Variants in RBFOX1 observed in about 807,000 individuals in gnomAD.
The protein encoded by RBFOX1 is RNA binding protein fox-1 homolog 1.
A neutral mutation model predicts 57.7 loss-of-function variants in RBFOX1; 8 were observed. The observed-to-expected ratio is 0.14, with a 90% CI of 0.08 to 0.25. RBFOX1 has a LOEUF of 0.25. Among genes scored for constraint, RBFOX1 ranks in the 10% least tolerant of loss-of-function variants. The pLI is 1.00. For synonymous variants in RBFOX1, 326 were observed against 222.4 expected (o/e 1.47, Z -4.15); for missense variants, 611 against 548.5 (o/e 1.11, Z -1.14).
At chr16:6,484,273 C>G (rs548542163) in intron 2 of RBFOX1, among the ~76,000 whole-genome samples, 2 of 152,178 alleles carry the variant, frequency 1.3e-5, no homozygotes, top group African/African-American at 2.4e-5. Flanking sequence ...AGTTGGCATG[C>G]TCACGTTGCA....
At chr16:6,616,763 C>T (rs149744207) in intron 2 of RBFOX1, among the ~76,000 whole-genome samples, 292 of 152,294 alleles carry the variant, frequency 1.9e-3, no homozygotes, top group Non-Finnish European at 2.8e-3. Flanking sequence ...TTGCAAAAGG[C>T]AGGGCTTTTC....
chr16:6,192,492 A>G (rs2097148297), intron 1 of RBFOX1, among the ~76,000 whole-genome samples: 1 of 150,974 alleles, frequency 6.6e-6, no homozygotes, highest in Non-Finnish European at 1.5e-5. Flanking sequence ...TCCTCCCAAC[A>G]CCCCCATACA....
At chr16:7,374,289 G>C (rs975247438) in intron 4 of RBFOX1, among the ~76,000 whole-genome samples, 2 of 152,146 alleles carry the variant, frequency 1.3e-5, no homozygotes, top group East Asian at 3.9e-4. Flanking sequence ...GCTGTGTAAG[G>C]GGAATAGCGG....
At chr16:7,057,316 C>G (rs990732645) in intron 4 of RBFOX1, among the ~76,000 whole-genome samples, 1 of 152,192 alleles carries the variant, frequency 6.6e-6, no homozygotes, top group Non-Finnish European at 1.5e-5. Context: ...GCAGAAAAGG[C>G]ATGCAACCAG....
At chr16:7,525,723 G>C (rs1347837819) in intron 5 of RBFOX1, among the ~76,000 whole-genome samples, 1 of 152,182 alleles carries the variant, frequency 6.6e-6, no homozygotes, top group Non-Finnish European at 1.5e-5. Context: ...CATTGCTTGA[G>C]GCCTCCTGTG....
intron 3 of RBFOX1, among the ~76,000 whole-genome samples, chr16:6,764,815 T>C (rs2077100752): frequency 6.6e-6 from 1 of 152,032 alleles, no homozygotes; most frequent in South Asian, 2.1e-4. Flanking sequence ...CGGGTGCCTG[T>C]AATCCTAGCT....
At chr16:6,255,010 T>C (rs966561465) in intron 1 of RBFOX1, among the ~76,000 whole-genome samples, 1 of 152,116 alleles carries the variant, frequency 6.6e-6, no homozygotes, top group East Asian at 1.9e-4. Context: ...TTATTCCTTC[T>C]CTTCTTCCTT....
intron 2 of RBFOX1, among the ~76,000 whole-genome samples, chr16:6,645,642 C>T (rs1250453500): frequency 3.3e-5 from 5 of 152,024 alleles, no homozygotes; most frequent in Admixed American, 3.3e-4. Context: ...CTCAAAGAAC[C>T]TAGAGGCCTT....
chr16:7,210,214 C>A (rs1178221512), intron 4 of RBFOX1, among the ~76,000 whole-genome samples: 1 of 152,156 alleles, frequency 6.6e-6, no homozygotes, highest in Non-Finnish European at 1.5e-5. Context: ...TAGGATACTT[C>A]TATAGGTTAA....
chr16:6,698,913 G>A (rs2061436045), intron 3 of RBFOX1, among the ~76,000 whole-genome samples: 1 of 152,148 alleles, frequency 6.6e-6, no homozygotes, highest in Non-Finnish European at 1.5e-5. Context: ...ATTCATAAAA[G>A]AGGCATATTG....
chr16:6,033,751 C>T (rs186828100), intron 1 of RBFOX1, among the ~76,000 whole-genome samples: 9 of 151,970 alleles, frequency 5.9e-5, no homozygotes, highest in East Asian at 3.9e-4. Flanking sequence ...TATCTTCAAC[C>T]GCCACCACTT....
chr16:5,665,418 C>T (rs1470299726), intron 3 of RBFOX1, among the ~76,000 whole-genome samples: 2 of 119,624 alleles, frequency 1.7e-5, no homozygotes, highest in South Asian at 6.9e-4. Flanking sequence ...GTAGTTCTCC[C>T]TTATACCCCT....
At chr16:7,216,007 G>A (rs1398819330) in intron 4 of RBFOX1, among the ~76,000 whole-genome samples, 2 of 152,144 alleles carry the variant, frequency 1.3e-5, no homozygotes, top group African/African-American at 4.8e-5. Flanking sequence ...ACAGGCGTGA[G>A]CCACCGCGCC....
intron 4 of RBFOX1, among the ~76,000 whole-genome samples, chr16:5,993,850 G>C (rs1567232044): frequency 6.6e-6 from 1 of 152,144 alleles, no homozygotes; most frequent in Admixed American, 6.5e-5. Flanking sequence ...ATTAATATAG[G>C]ATAGGTAAGT....
chr16:5,245,226 C>T (rs1218786182), intron 1 of RBFOX1, among the ~76,000 whole-genome samples: 1 of 152,048 alleles, frequency 6.6e-6, no homozygotes, highest in Non-Finnish European at 1.5e-5. Flanking sequence ...GGGATATGTT[C>T]CAAAGGACTT....
intron 2 of RBFOX1, among the ~76,000 whole-genome samples, chr16:5,578,825 C>CCACACA (rs139917677): frequency 6.2e-5 from 8 of 129,062 alleles, no homozygotes; most frequent in East Asian, 2.4e-4. Context: ...CATGAAACCT[C>CCACACA]CACACACACA....
At chr16:7,166,042 C>G (rs754688511) in intron 4 of RBFOX1, among the ~76,000 whole-genome samples, 1 of 151,782 alleles carries the variant, frequency 6.6e-6, no homozygotes, top group South Asian at 2.1e-4. Context: ...GAGGTGGAAT[C>G]TCATTCTGTT....
intron 2 of RBFOX1, among the ~76,000 whole-genome samples, chr16:6,437,104 C>G (rs558580218): frequency 6.6e-6 from 1 of 152,074 alleles, no homozygotes; most frequent in Non-Finnish European, 1.5e-5. Context: ...AATTAATAGG[C>G]GATCGTTTCC....
intron 3 of RBFOX1, among the ~76,000 whole-genome samples, chr16:6,741,547 T>C (rs927350262): frequency 6.6e-6 from 1 of 151,806 alleles, no homozygotes; most frequent in Non-Finnish European, 1.5e-5. Flanking sequence ...TGCGCACCTG[T>C]AATCCCAGCT....
Sources: allele counts gnomAD v4.1 joint callset (sites outside exome capture counted in the v4.1 genomes callset), GRCh38; gene constraint gnomAD v4.1.1; transcripts MANE v1.5; gene names NCBI Gene and HGNC (gene_info 2026-07-23, HGNC 2026-07-21).